C3orf33: variants seen among roughly 807,000 people sequenced by gnomAD.
The protein encoded by C3orf33 is mitochondrial inner membrane subdomain organizer 1.
Under a neutral mutation model 28.7 loss-of-function variants are expected in C3orf33, and 23 were observed. The observed-to-expected ratio is 0.80, with a 90% CI of 0.58 to 1.13. The LOEUF (loss-of-function observed/expected upper bound fraction) is 1.13. Among genes scored for constraint, C3orf33 ranks in the 50% most tolerant of loss-of-function variants. The pLI is 0.00. For missense variants in C3orf33, 327 were observed against 353.4 expected (o/e 0.93, Z 0.60); for synonymous variants, 119 against 120.5 (o/e 0.99, Z 0.08).
At chr3:155,765,967 T>A (rs1404083500) in intron 4 of C3orf33, among the ~76,000 whole-genome samples, 1 of 152,254 alleles carries the variant, frequency 6.6e-6, no homozygotes, top group East Asian at 1.9e-4. Flanking sequence ...TTAATGAATT[T>A]CATTAAGCTT....
chr3:155,792,328 G>A (rs899485770), intron 2 of C3orf33, among the ~76,000 whole-genome samples: 1 of 152,092 alleles, frequency 6.6e-6, no homozygotes, highest in African/African-American at 2.4e-5. Context: ...ACACCCAAGT[G>A]CATTCAAATA....
rs1750313054 is a variant in C3orf33 at position 155,763,821 on chromosome 3, T to G, written c.581A>C (p.Tyr194Ser). Residue 194 changes from tyrosine to serine, a missense_variant, in exon 5 of 5, where the codon TAC (tyrosine) becomes TCC (serine). Coordinates refer to ENST00000340171, the MANE Select transcript of C3orf33 (RefSeq NM_001308229.2). ...AAGTAAGTTTCTGTGAACTGTCCAG[T>G]AGATTTTAGAATCATATTTAAGCCC... ...VKGLKYDSKI[Y>S]WTVHRNLLKA... The G allele has an allele frequency of 6.3e-7, 1 of 1,583,430 alleles. No individual in the cohort carries two copies. Among genetic ancestry groups the G allele is most frequent in the South Asian group, 1.2e-5 (1 of 84,184 alleles).
rs79267227 is a variant in C3orf33 at position 155,795,140 on chromosome 3, T to C, written c.174+7392A>G. Among the ~76,000 whole-genome samples the C allele has an allele frequency of 9.8e-3, 1,485 of 152,264 alleles. 32 individuals carry two copies. The highest frequency in any genetic ancestry group is 0.079 in the East Asian group (408 of 5,180). ...GGATCATTCTCAAGGATAGACTATATGTTAGGTCAAAAAACAAGTCTTAAA... is the reference window on the plus strand; with the variant it reads ...GGATCATTCTCAAGGATAGACTATACGTTAGGTCAAAAAACAAGTCTTAAA... On this transcript the variant is annotated intron_variant, in intron 2 of 4. Transcript: ENST00000340171.
chr3:155,774,198 G>C (rs1750669918), intron 3 of C3orf33, among the ~76,000 whole-genome samples: 1 of 152,016 alleles, frequency 6.6e-6, no homozygotes, highest in African/African-American at 2.4e-5. Context: ...AAAATAAAAA[G>C]GAAAAACTCC....
chr3:155,775,540 C>T (rs1166899453), intron 3 of C3orf33, among the ~76,000 whole-genome samples, 161 bp downstream of exon 3: 11 of 150,784 alleles, frequency 7.3e-5, no homozygotes, highest in Non-Finnish European at 1.6e-4. Context: ...CCAAATTAAG[C>T]ACCTCCCACC....
At chr3:155,779,290 TG>T (rs1322093135) in intron 2 of C3orf33, among the ~76,000 whole-genome samples, 11 of 152,154 alleles carry the variant, frequency 7.2e-5, no homozygotes, top group African/African-American at 2.4e-4. Flanking sequence ...TGCACTACTC[TG>T]GGATCTTTTT....
In C3orf33 at chr3:155,767,602, C is replaced by T; in HGVS notation, c.390G>A (p.Trp130Ter). 1.9e-6 allele frequency: 3 copies of T among 1,593,158 alleles called. No individual in the cohort carries two copies. Among genetic ancestry groups the T allele is most frequent in the Non-Finnish European group, 2.6e-6 (3 of 1,167,196 alleles). The change falls in exon 4 of 5, where the codon TGG becomes TGA. Residue 130 changes from tryptophan (W) to a stop codon, truncating the protein, a stop_gained. Transcript: ENST00000340171. LOFTEE classifies it high-confidence loss of function. ...GGGAAGGTTTTAGCTCTTTTTGTAA[C>T]CATGCCTTCCCAGTTTCAGCGAGTT... is the stretch of plus-strand genomic sequence containing the variant. ...GVELAETGKA[W>*]LQKELKPSQL...
chr3:155,793,829 T>TAAAAAAAAA lies in C3orf33; in HGVS notation c.174+8702_174+8703insTTTTTTTTT, dbSNP rs1751391618. Among the ~76,000 whole-genome samples, 301 of 84,596 alleles carry TAAAAAAAAA rather than the reference T, an allele frequency of 3.6e-3. 52 individuals carry two copies. The highest frequency in any genetic ancestry group is 0.031 in the Middle Eastern group (3 of 98). 55.5% of individuals were successfully genotyped at this position (84,596 alleles called of 152,430 possible). ...TGACTCAAAAAAAAAAAAAAAAAAC[T>TAAAAAAAAA]AAAAAAACTAAAAAAACTAAAACAG... On this transcript the variant is annotated intron_variant, in intron 2 of 4. Transcript: ENST00000340171.
intron 2 of C3orf33, among the ~76,000 whole-genome samples, chr3:155,783,595 T>A (rs1436118563): frequency 6.6e-6 from 1 of 151,650 alleles, no homozygotes; most frequent in Non-Finnish European, 1.5e-5. Flanking sequence ...GCCTACCAAG[T>A]AGCTGGGACT....
At chr3:155,805,892 C>A (rs553010404) in intron 1 of C3orf33, among the ~76,000 whole-genome samples, 32 of 152,330 alleles carry the variant, frequency 2.1e-4, no homozygotes, top group Admixed American at 1.9e-3. Context: ...GTGCCCCCTA[C>A]AGCCCAGCAA....
At chr3:155,767,387 G>T in intron 4 of C3orf33, 122 bp downstream of exon 4, 1 of 542,988 alleles carries the variant, frequency 1.8e-6, no homozygotes, top group Non-Finnish European at 2.9e-6. Context: ...ACTATCAGTA[G>T]CAGTTTAAAA....
At chr3:155,797,697 C>A (rs565897490) in intron 2 of C3orf33, among the ~76,000 whole-genome samples, 2 of 152,210 alleles carry the variant, frequency 1.3e-5, no homozygotes, top group South Asian at 4.2e-4. Flanking sequence ...GAAAGTAATC[C>A]CGTTTACAAT....
intron 2 of C3orf33, among the ~76,000 whole-genome samples, chr3:155,789,902 C>T (rs1751257925): frequency 6.6e-6 from 1 of 152,116 alleles, no homozygotes; most frequent in African/African-American, 2.4e-5. Flanking sequence ...GGAGGCTGGG[C>T]CTGTAATCCC....
intron 3 of C3orf33, among the ~76,000 whole-genome samples, chr3:155,774,388 A>G (rs358730): frequency 0.83 from 126,107 of 152,096 alleles, 52,589 homozygotes; most frequent in East Asian, 0.92. Context: ...CAGTTGAGCC[A>G]GATTCTGAAG....
At chr3:155,799,264 A>G (rs1163446769) in intron 2 of C3orf33, among the ~76,000 whole-genome samples, 1 of 152,248 alleles carries the variant, frequency 6.6e-6, no homozygotes, top group Admixed American at 6.5e-5. Context: ...CAATTCCACT[A>G]TTAGATATAT....
rs926529641 is a variant in C3orf33 at position 155,763,882 on chromosome 3, A to G, written c.520T>C (p.Leu174=). Residue 174 remains leucine (L), a synonymous_variant, in exon 5 of 5, where the codon TTG becomes CTG. Transcript: ENST00000340171. ...ACAGTTTTGCCAAGGCCTCTTCTCA[A>G]AATTTCTTCATTCAGATTCACGCTG... ...YFSVNLNEEI[L]RRGLGKTVLV... is the part of the protein sequence containing the mutation. 128 of 1,497,252 alleles carry G rather than the reference A, an allele frequency of 8.5e-5. No individual in the cohort carries two copies. Among genetic ancestry groups the G allele is most frequent in the Non-Finnish European group, 1.1e-4 (124 of 1,128,002 alleles). 92.7% of individuals were successfully genotyped at this position (1,497,252 alleles called of 1,614,324 possible).
intron 4 of C3orf33, among the ~76,000 whole-genome samples, chr3:155,765,740 G>T (rs991069156): frequency 2.0e-5 from 3 of 152,136 alleles, no homozygotes; most frequent in Middle Eastern, 3.4e-3. Context: ...TAGTGATGGG[G>T]TTTCACCAAA....
intron 2 of C3orf33, among the ~76,000 whole-genome samples, chr3:155,791,640 G>T (rs1577432302): frequency 6.6e-6 from 1 of 151,968 alleles, no homozygotes; most frequent in Non-Finnish European, 1.5e-5. Context: ...TTCACTACAA[G>T]CTGACTGAAG....
chr3:155,776,882 A>G (rs1458531453), intron 2 of C3orf33, among the ~76,000 whole-genome samples: 1 of 151,972 alleles, frequency 6.6e-6, no homozygotes, highest in African/African-American at 2.4e-5. Flanking sequence ...TGTGGAATAT[A>G]CTATAGAATA....
Sources: gnomAD v4.1 joint callset for allele counts (sites outside exome capture counted in the v4.1 genomes callset) on GRCh38, gnomAD v4.1.1 for gene constraint, MANE v1.5 for transcripts, NCBI Gene and HGNC (gene_info 2026-07-23, HGNC 2026-07-21) for gene names.